Variants in ZNF106 observed in about 807,000 individuals in gnomAD.
ZNF106 encodes SH3-domain binding protein 3.
Under a neutral mutation model 195.1 loss-of-function variants are expected in ZNF106, and 67 were observed. The observed-to-expected ratio is 0.34, with a 90% confidence interval of 0.28 to 0.42. The LOEUF (loss-of-function observed/expected upper bound fraction) is 0.42, where lower values mean the gene tolerates loss of function less well. Ranked by LOEUF, ZNF106 falls within the 10% of genes least tolerant of loss-of-function variation. The probability of loss-of-function intolerance (pLI) is 1.00; values close to 1 mark genes in which losing one functional copy is unlikely to be tolerated. For missense variants in ZNF106, 2,118 were observed against 2,304.5 expected, an observed-to-expected ratio of 0.92 and a Z score of 1.66; for synonymous variants, 784 against 818.6, an observed-to-expected ratio of 0.96 and a Z score of 0.72.
At chr15:42,471,780 G>A (rs954186579) in intron 2 of ZNF106, among the ~76,000 whole-genome samples, 4 of 152,128 alleles carry the variant, frequency 2.6e-5, no homozygotes, top group Non-Finnish European at 5.9e-5. Context: ...TGGACATCTA[G>A]GATATTGTTA....
chr15:42,451,488 C>A lies in ZNF106; in HGVS notation c.784G>T (p.Gly262Cys), dbSNP rs1402204211. ...VRSTNNWNYS[G>C]PGDKFQPGRN... ...CCTGGTTGAAATTTGTCTCCAGGGC[C>A]ACTGTAATTCCAATTATTTGTACTA... Residue 262 changes from glycine (G) to cysteine (C), a missense_variant, in exon 5 of 22, where the codon GGC becomes TGC. By Grantham distance (159) the Gly-to-Cys change is radical. Coordinates refer to ENST00000564754, the MANE Select transcript of ZNF106 (RefSeq NM_001366845.3). 1.2e-6 allele frequency: 2 copies of A among 1,614,184 alleles called. No homozygotes were observed. The highest frequency in any genetic ancestry group is 2.2e-5 in the South Asian group (2 of 91,082).
intron 1 of ZNF106, among the ~76,000 whole-genome samples, chr15:42,486,271 T>C (rs1388594409): frequency 6.6e-6 from 1 of 151,760 alleles, no homozygotes; most frequent in Non-Finnish European, 1.5e-5. Context: ...CTTTTTTTTT[T>C]CTTCCAGAGA....
chr15:42,480,160 ATCTC>A (rs750055120), intron 1 of ZNF106, among the ~76,000 whole-genome samples: 1 of 152,142 alleles, frequency 6.6e-6, no homozygotes, highest in Admixed American at 6.5e-5. Context: ...GAATGTTCAA[ATCTC>A]TCTGACAGTG....
chr15:42,486,526 T>C (rs950098418), intron 1 of ZNF106, among the ~76,000 whole-genome samples: 1 of 152,202 alleles, frequency 6.6e-6, no homozygotes, highest in African/African-American at 2.4e-5. Flanking sequence ...CCCAAAGTGC[T>C]AGGATTACAG....
chr15:42,481,181 C>T (rs969272375), intron 1 of ZNF106, among the ~76,000 whole-genome samples: 2 of 151,828 alleles, frequency 1.3e-5, no homozygotes, highest in Non-Finnish European at 2.9e-5. Flanking sequence ...AAAATATCTA[C>T]CCAGATATTT....
At chr15:42,487,878 A>G (rs954078548) in intron 1 of ZNF106, among the ~76,000 whole-genome samples, 1 of 152,182 alleles carries the variant, frequency 6.6e-6, no homozygotes, top group African/African-American at 2.4e-5. Context: ...TTCTATGCAT[A>G]TATGGTTGTC....
In ZNF106 at chr15:42,439,326, C is replaced by T. The variant is rs766671631; in HGVS notation, c.4251G>A (p.Gly1417=). The change falls in exon 11 of 22, where the codon GGG becomes GGA. Residue 1417 remains glycine (G), a synonymous_variant. Transcript: ENST00000564754. ...CTTCCCAAGTGGAGGTTGTTACTTT[C>T]CCCCCTTTAATTAACTTTCCAGCTT... ...KVKAGKLIKG[G]KVTTSTWEDS... 4 of 1,613,976 alleles carry T rather than the reference C, an allele frequency of 2.5e-6. No homozygotes were observed. The South Asian group carries it at 3.3e-5, about 13-fold the overall frequency.
In ZNF106 at chr15:42,444,193, T is replaced by C. The variant is rs1312537892; in HGVS notation, c.3421+9A>G. On this transcript the variant is annotated intron_variant, in intron 9 of 21. Coordinates refer to ENST00000564754, the MANE Select transcript of ZNF106 (RefSeq NM_001366845.3). Reference sequence around the variant, plus strand: ...AGAGGGCCCAATCCATCAGATGCCCTCTGAATACCTTGTAATCCCTGTAGA... The same window carrying C: ...AGAGGGCCCAATCCATCAGATGCCCCCTGAATACCTTGTAATCCCTGTAGA... 2 of 1,572,760 alleles carry C rather than the reference T, an allele frequency of 1.3e-6. No individual in the cohort carries two copies. Among genetic ancestry groups the C allele is most frequent in the East Asian group, 4.7e-5 (2 of 42,476 alleles).
chr15:42,432,015 G>C (rs911922830), intron 14 of ZNF106, among the ~76,000 whole-genome samples: 4 of 152,156 alleles, frequency 2.6e-5, no homozygotes, highest in African/African-American at 9.7e-5. Flanking sequence ...CTGTGAATTT[G>C]TCTACTCCTT....
intron 5 of ZNF106, among the ~76,000 whole-genome samples, chr15:42,449,479 C>A (rs78889894): frequency 1.3e-5 from 2 of 152,260 alleles, no homozygotes; most frequent in East Asian, 3.9e-4. Flanking sequence ...ATTTTCTACC[C>A]CTATAAAGTG....
At chr15:42,466,683 T>C (rs946018593) in intron 2 of ZNF106, among the ~76,000 whole-genome samples, 85 of 152,230 alleles carry the variant, frequency 5.6e-4, no homozygotes, top group African/African-American at 2.0e-3. Context: ...AAAAATACTT[T>C]GAACATAGCA....
intron 19 of ZNF106, 24 bp downstream of exon 19, chr15:42,421,893 T>C: frequency 1.3e-6 from 2 of 1,511,016 alleles, no homozygotes; most frequent in Non-Finnish European, 1.8e-6. Context: ...AAAGCAAATA[T>C]CTTACATGAC....
rs750127526 is a variant in ZNF106, at chr15:42,449,852, G to A, written c.2420C>T (p.Ala807Val). Residue 807 changes from alanine to valine, a missense_variant, in exon 5 of 22, where the codon GCA becomes GTA. By Grantham distance (64) the Ala-to-Val change is moderately conservative (BLOSUM62 0). Coordinates refer to ENST00000564754, the MANE Select transcript of ZNF106 (RefSeq NM_001366845.3). Reference sequence around the variant, plus strand: ...TTCCCAGTTGACATTTCTCCGAGATGCATTTAGAATCTGCCGTAGGGTTGG... The same window carrying A: ...TTCCCAGTTGACATTTCTCCGAGATACATTTAGAATCTGCCGTAGGGTTGG... ...LKPTLRQILNASRRNVNWEQV... is the reference protein window; with the variant it reads ...LKPTLRQILNVSRRNVNWEQV... 32 of 1,614,150 alleles carry A rather than the reference G, an allele frequency of 2.0e-5. No individual in the cohort carries two copies. Among genetic ancestry groups the A allele is most frequent in the Non-Finnish European group, 2.5e-5 (30 of 1,180,012 alleles).
rs951024848 is a variant in ZNF106 at position 42,455,520 on chromosome 15, T to C, written c.317+1438A>G. ...TACTGATATTTTAAGATGAAGAAAG[T>C]CTCCTTCAAGGAATTGTTCAAAAAA... is the stretch of plus-strand genomic sequence containing the variant. On this transcript the variant is annotated intron_variant, in intron 4 of 21. Transcript: ENST00000564754. Among the ~76,000 whole-genome samples the C allele has an allele frequency of 2.0e-5, 3 of 152,288 alleles. No homozygotes were observed. In the South Asian group the frequency reaches 6.2e-4, roughly 32 times the overall value.
intron 1 of ZNF106, among the ~76,000 whole-genome samples, chr15:42,476,306 GT>G (rs1408629677): frequency 2.0e-5 from 3 of 152,124 alleles, no homozygotes; most frequent in Non-Finnish European, 2.9e-5. Context: ...CTGAAATACT[GT>G]AATTAGCCCA....
At chr15:42,457,184 A>G (rs1437975570) in intron 3 of ZNF106, 26 bp from the exon 4 acceptor site, 1 of 1,613,926 alleles carries the variant, frequency 6.2e-7, no homozygotes, top group Non-Finnish European at 8.5e-7. Flanking sequence ...GATGAGGGAC[A>G]TTCAATTCTC....
intron 16 of ZNF106, 80 bp from the exon 17 acceptor site, chr15:42,424,140 T>C: frequency 8.1e-7 from 1 of 1,232,534 alleles, no homozygotes. Flanking sequence ...CATTGGCAAA[T>C]TCTAATTTCC....
chr15:42,434,318 A>G (rs145438435), intron 14 of ZNF106, among the ~76,000 whole-genome samples: 64 of 152,272 alleles, frequency 4.2e-4, no homozygotes, highest in African/African-American at 1.5e-3. Flanking sequence ...GAGACCCTGT[A>G]CCTTAAAAAA....
At chr15:42,441,538 C>A (rs776233022) in intron 10 of ZNF106, among the ~76,000 whole-genome samples, 1 of 152,120 alleles carries the variant, frequency 6.6e-6, no homozygotes, top group African/African-American at 2.4e-5. Context: ...TTTTACATAG[C>A]TTAGACGTAT....
Sources: gnomAD v4.1 joint callset for allele counts (sites outside exome capture counted in the v4.1 genomes callset) on GRCh38, gnomAD v4.1.1 for gene constraint, MANE v1.5 for transcripts, NCBI Gene and HGNC (gene_info 2026-07-23, HGNC 2026-07-21) for gene names.